Variants in CHN2 observed in about 807,000 individuals in gnomAD.
CHN2 encodes beta-chimaerin.
A neutral mutation model predicts 56.3 loss-of-function variants in CHN2; 35 were observed. The observed-to-expected ratio is 0.62, with a 90% CI of 0.47 to 0.82. The LOEUF (loss-of-function observed/expected upper bound fraction) is 0.82, where lower values mean the gene tolerates loss of function less well. Ranked by LOEUF, CHN2 falls within the 40% of genes least tolerant of loss-of-function variation. The pLI, the probability that CHN2 is intolerant of heterozygous loss-of-function variation, is 0.00. For missense variants in CHN2, 491 were observed against 580.5 expected, an observed-to-expected ratio of 0.85 and a Z score of 1.58; for synonymous variants, 210 against 212.8, an observed-to-expected ratio of 0.99 and a Z score of 0.12.
intron 2 of CHN2, among the ~76,000 whole-genome samples, chr7:29,367,332 G>A (rs1385005086): frequency 6.6e-6 from 1 of 152,150 alleles, no homozygotes; most frequent in Non-Finnish European, 1.5e-5. Context: ...AAGGGCCTAG[G>A]AAAGAGGAAT....
At chr7:29,164,330 T>A (rs1184850372) in intron 2 of CHN2, among the ~76,000 whole-genome samples, 1 of 152,214 alleles carries the variant, frequency 6.6e-6, no homozygotes, top group Non-Finnish European at 1.5e-5. Flanking sequence ...GCACAGTATT[T>A]TAATTAGGTT....
intron 6 of CHN2, among the ~76,000 whole-genome samples, chr7:29,435,986 G>A (rs1783195064): frequency 6.7e-6 from 1 of 149,914 alleles, no homozygotes; most frequent in South Asian, 2.1e-4. Context: ...TTTTAACTAA[G>A]GTGTGGAATG....
Position 29,509,335 on chromosome 7 carries a change from C to T in CHN2, c.1164C>T (p.Val388=), listed in dbSNP as rs759385446. ...ISNADERLEA[V]HEVLMLLPPA... Reference sequence around the variant, plus strand: ...ATGCAGATGAGAGGCTGGAAGCCGTCCATGAAGTGCTGATGCTGCTGCCTC... The same window carrying T: ...ATGCAGATGAGAGGCTGGAAGCCGTTCATGAAGTGCTGATGCTGCTGCCTC... Residue 388 remains valine, a synonymous_variant, in exon 12 of 13, where the codon GTC becomes GTT. Transcript: ENST00000222792. The T allele has an allele frequency of 1.5e-5, 25 of 1,614,112 alleles. No homozygotes were observed. In the South Asian group the frequency reaches 2.6e-4, roughly 17 times the overall value.
intron 1 of CHN2, among the ~76,000 whole-genome samples, chr7:29,268,497 C>T (rs553253280): frequency 1.1e-4 from 16 of 144,416 alleles, no homozygotes; most frequent in Middle Eastern, 3.5e-3. Context: ...TGGAAATGCA[C>T]GGATGCTTCT....
intron 6 of CHN2, among the ~76,000 whole-genome samples, chr7:29,478,557 A>C (rs1380269605): frequency 6.6e-6 from 1 of 152,224 alleles, no homozygotes. Context: ...CCGAGGCAGC[A>C]GGACACAGTG....
chr7:29,302,085 C>T (rs1354321500), intron 1 of CHN2, among the ~76,000 whole-genome samples: 1 of 152,202 alleles, frequency 6.6e-6, no homozygotes, highest in Non-Finnish European at 1.5e-5. Flanking sequence ...AGGATAAGGA[C>T]CCTCAGCCTT....
chr7:29,292,025 AT>A (rs1300058502), intron 1 of CHN2, among the ~76,000 whole-genome samples: 1 of 152,198 alleles, frequency 6.6e-6, no homozygotes, highest in African/African-American at 2.4e-5. Context: ...TTAATTCAAT[AT>A]GTTTAAAGTA....
chr7:29,429,283 T>A (rs1805176513), intron 6 of CHN2, among the ~76,000 whole-genome samples: 1 of 152,228 alleles, frequency 6.6e-6, no homozygotes, highest in African/African-American at 2.4e-5. Flanking sequence ...CTGAAATAGC[T>A]ATGCATTTAA....
At chr7:29,254,182 C>A (rs780344732) in intron 1 of CHN2, among the ~76,000 whole-genome samples, 8 of 152,142 alleles carry the variant, frequency 5.3e-5, no homozygotes, top group Non-Finnish European at 1.2e-4. Flanking sequence ...GGATTACAGG[C>A]GTGAACCACC....
intron 1 of CHN2, among the ~76,000 whole-genome samples, chr7:29,231,003 T>C (rs1323950836): frequency 6.6e-6 from 1 of 152,208 alleles, no homozygotes; most frequent in Non-Finnish European, 1.5e-5. Flanking sequence ...CAGCAAGGTT[T>C]CTTGTCTGGT....
intron 1 of CHN2, among the ~76,000 whole-genome samples, chr7:29,319,690 C>T (rs1041135054): frequency 2.0e-5 from 3 of 152,204 alleles, no homozygotes; most frequent in African/African-American, 4.8e-5. Context: ...TCCATTTCCA[C>T]AAAGCTACTT....
chr7:29,178,289 C>G (rs952228627), intron 2 of CHN2, among the ~76,000 whole-genome samples: 26 of 152,158 alleles, frequency 1.7e-4, no homozygotes, highest in Non-Finnish European at 3.2e-4. Flanking sequence ...TCTGTGGCTT[C>G]CCATTGTGTC....
At chr7:29,489,939 T>TAGGC (rs1339729006) in intron 7 of CHN2, among the ~76,000 whole-genome samples, 1 of 152,192 alleles carries the variant, frequency 6.6e-6, no homozygotes, top group Non-Finnish European at 1.5e-5. Context: ...CCTGAAACAA[T>TAGGC]AGGCCAGTTT....
intron 1 of CHN2, among the ~76,000 whole-genome samples, chr7:29,238,837 T>G (rs758025633): frequency 1.3e-5 from 2 of 152,156 alleles, no homozygotes; most frequent in Non-Finnish European, 2.9e-5. Context: ...GGTGGGAACA[T>G]GCCTGGAGTG....
At chr7:29,479,932 G>C in intron 6 of CHN2, 1 of 1,440,388 alleles carries the variant, frequency 6.9e-7, no homozygotes, top group Non-Finnish European at 9.1e-7. Flanking sequence ...TTATTCAGAA[G>C]CCGGGCCCCC....
At chr7:29,153,283 T>G (rs533698610) in intron 2 of CHN2, among the ~76,000 whole-genome samples, 9 of 152,318 alleles carry the variant, frequency 5.9e-5, no homozygotes, top group South Asian at 4.2e-4. Context: ...TGGAAATAAA[T>G]AAACATCTGT....
intron 6 of CHN2, among the ~76,000 whole-genome samples, chr7:29,442,951 T>TTTTTTTTTTTTTTTTTTTTA (rs61688754): frequency 7.2e-6 from 1 of 138,664 alleles, no homozygotes; most frequent in African/African-American, 2.9e-5. Flanking sequence ...TTTTTTTTTT[T>TTTTTTTTTTTTTTTTTTTTA]GAGACGGAGT....
intron 7 of CHN2, 128 bp downstream of exon 7, chr7:29,480,484 C>A: frequency 3.0e-6 from 3 of 1,015,104 alleles, no homozygotes; most frequent in Non-Finnish European, 4.4e-6. Context: ...CCACATTTAG[C>A]TATAAGCTTA....
At chr7:29,474,493 C>T (rs1321023886) in intron 6 of CHN2, among the ~76,000 whole-genome samples, 1 of 152,148 alleles carries the variant, frequency 6.6e-6, no homozygotes, top group African/African-American at 2.4e-5. Flanking sequence ...GGCCAGTTCA[C>T]ACAAACACCA....
Sources: allele counts gnomAD v4.1 joint callset (sites outside exome capture counted in the v4.1 genomes callset), GRCh38; gene constraint gnomAD v4.1.1; transcripts MANE v1.5; gene names NCBI Gene and HGNC (gene_info 2026-07-23, HGNC 2026-07-21).